Variants in TMEM196 observed in about 807,000 individuals in gnomAD.
TMEM196 encodes the protein transmembrane protein 196.
In TMEM196, 17 loss-of-function variants were observed where a neutral mutation model predicts 20.0. The observed-to-expected ratio is 0.85, with a 90% CI of 0.58 to 1.27. The LOEUF (loss-of-function observed/expected upper bound fraction) is 1.27, where lower values mean the gene tolerates loss of function less well. Among genes scored for constraint, TMEM196 ranks in the 50% most tolerant of loss-of-function variants. The pLI, the probability that TMEM196 is intolerant of heterozygous loss-of-function variation, is 0.00. For synonymous variants in TMEM196, 113 were observed against 88.9 expected (o/e 1.27, Z -1.52); for missense variants, 267 against 223.0 (o/e 1.20, Z -1.26).
chr7:19,735,893 GATA>G (rs761084063), intron 1 of TMEM196, among the ~76,000 whole-genome samples: 1 of 152,094 alleles, frequency 6.6e-6, no homozygotes, highest in Non-Finnish European at 1.5e-5. Flanking sequence ...TTACCCACAA[GATA>G]ATGAGCTGAA....
chr7:19,742,791 T>A (rs1227308956), intron 1 of TMEM196, among the ~76,000 whole-genome samples: 2 of 152,146 alleles, frequency 1.3e-5, no homozygotes, highest in African/African-American at 4.8e-5. Flanking sequence ...ATGGGGATAC[T>A]TTTTAGAAAT....
Position 19,729,393 on chromosome 7 carries a change from A to AT in TMEM196, c.192dup (p.Ser65IlefsTer68), listed in dbSNP as rs759398828. On this transcript the variant is annotated frameshift_variant, in exon 2 of 5. Coordinates refer to ENST00000405844, the MANE Select transcript of TMEM196 (RefSeq NM_001363562.2). LOFTEE classifies it high-confidence loss of function. Reference sequence around the variant, plus strand: ...AATCAAACACTTACGACAAGTCCTGATTTTTTTTTGGCACACAATATTCCA... The same window carrying AT: ...AATCAAACACTTACGACAAGTCCTGATTTTTTTTTTGGCACACAATATTCCA... 63 of 1,532,092 alleles carry AT rather than the reference A, an allele frequency of 4.1e-5. No individual in the cohort carries two copies. Among genetic ancestry groups the AT allele is most frequent in the East Asian group, 1.0e-4 (4 of 40,132 alleles). 94.9% of individuals were successfully genotyped at this position (1,532,092 alleles called of 1,614,324 possible). A position where few individuals can be genotyped will look rare whatever the true frequency, so the allele number is the denominator to read the frequency against.
chr7:19,730,586 T>C (rs576624645), intron 1 of TMEM196, among the ~76,000 whole-genome samples: 3 of 152,350 alleles, frequency 2.0e-5, no homozygotes, highest in African/African-American at 7.2e-5. Context: ...TTCACTGTTG[T>C]CGTTGTTGTT....
At chr7:19,753,648 T>C (rs1018905915) in intron 1 of TMEM196, among the ~76,000 whole-genome samples, 3 of 152,204 alleles carry the variant, frequency 2.0e-5, no homozygotes, top group African/African-American at 7.2e-5. Flanking sequence ...TAGGTGATTA[T>C]TCTTAAAATA....
rs1783782400 is a variant in TMEM196, at chr7:19,720,578, TTGTC to T, written c.*1546_*1549del. ...ATGTATTTAAAAATGATAGATTTCT[TTGTC>T]TGTTGCCAGAGGTTATATTCTGATA... On this transcript the variant is annotated 3_prime_UTR_variant, in exon 5 of 5. Coordinates refer to ENST00000405844, the MANE Select transcript of TMEM196 (RefSeq NM_001363562.2). 2 of 151,988 alleles carry T rather than the reference TTGTC, an allele frequency of 1.3e-5. No individual in the cohort carries two copies. Among genetic ancestry groups the T allele is most frequent in the South Asian group, 4.1e-4 (2 of 4,834 alleles). The allele number at this position is 151,988 out of a possible 1,614,324, so 9.4% of individuals were successfully genotyped here.
intron 1 of TMEM196, among the ~76,000 whole-genome samples, chr7:19,753,806 T>C (rs2128032536): frequency 6.6e-6 from 1 of 152,362 alleles, no homozygotes; most frequent in South Asian, 2.1e-4. Context: ...CTGTTCATTC[T>C]GTGCTTAGAA....
In TMEM196 at chr7:19,719,628, C is replaced by T. The variant is rs563452925; in HGVS notation, c.*2500G>A. 12 of 152,178 alleles carry T rather than the reference C, an allele frequency of 7.9e-5. No homozygotes were observed. The highest frequency in any genetic ancestry group is 3.9e-4 in the East Asian group (2 of 5,184). 9.4% of individuals were successfully genotyped at this position (152,178 alleles called of 1,614,324 possible). On this transcript the variant is annotated 3_prime_UTR_variant, in exon 5 of 5. Transcript: ENST00000405844. ...AAAACTATAAGGTAGTCACTTAAAA[C>T]ATTCCAGCATGTGGTTCAATGTATT...
At chr7:19,725,269 T>C (rs1783953081) in intron 3 of TMEM196, among the ~76,000 whole-genome samples, 1 of 152,224 alleles carries the variant, frequency 6.6e-6, no homozygotes, top group South Asian at 2.1e-4. Context: ...GTATTCAATA[T>C]TTTATGAAAT....
chr7:19,772,740 C>T lies in TMEM196; in HGVS notation c.-44G>A, dbSNP rs941105639. The T allele has an allele frequency of 7.0e-7, 1 of 1,431,750 alleles. No homozygotes were observed. The highest frequency in any genetic ancestry group is 1.5e-5 in the African/African-American group (1 of 68,960). The allele number at this position is 1,431,750 out of a possible 1,614,324, so 88.7% of individuals were successfully genotyped here. A position where few individuals can be genotyped will look rare whatever the true frequency, so the allele number is the denominator to read the frequency against. ...CTTCCAGATCAGAGAGGGAAATCAA[C>T]CATCTACCTTTTTTTCTTCCACTAT... is the stretch of plus-strand genomic sequence containing the variant. On this transcript the variant is annotated 5_prime_UTR_variant, in exon 1 of 5. Coordinates refer to ENST00000405844, the MANE Select transcript of TMEM196 (RefSeq NM_001363562.2).
In TMEM196 at chr7:19,772,424, T is replaced by C. The variant is rs1785920900; in HGVS notation, c.147+126A>G. The C allele has an allele frequency of 5.5e-6, 6 of 1,095,220 alleles. No homozygotes were observed. In the South Asian group the frequency reaches 8.9e-5, roughly 16 times the overall value. 67.8% of individuals were successfully genotyped at this position (1,095,220 alleles called of 1,614,324 possible). On this transcript the variant is annotated intron_variant, in intron 1 of 4. Coordinates refer to ENST00000405844, the MANE Select transcript of TMEM196 (RefSeq NM_001363562.2). Reference sequence around the variant, plus strand: ...CATAGCTTGTCAGCATGAACCTACATGCAAGCCAGAGATCTATGATTTTGT... The same window carrying C: ...CATAGCTTGTCAGCATGAACCTACACGCAAGCCAGAGATCTATGATTTTGT...
chr7:19,727,661 G>A (rs996754349), intron 2 of TMEM196, among the ~76,000 whole-genome samples: 16 of 152,054 alleles, frequency 1.1e-4, no homozygotes, highest in South Asian at 4.2e-4. Flanking sequence ...CTGAAAATAC[G>A]GAAAGATATT....
chr7:19,730,216 A>G (rs1023355403), intron 1 of TMEM196, among the ~76,000 whole-genome samples: 1 of 151,698 alleles, frequency 6.6e-6, no homozygotes, highest in Non-Finnish European at 1.5e-5. Flanking sequence ...AGATCGCGCC[A>G]CTGCATTCCA....
Position 19,727,422 on chromosome 7 carries a change from C to G in TMEM196, c.205-1654G>C, listed in dbSNP as rs149888751. Among the ~76,000 whole-genome samples, 263 of 152,220 alleles carry G rather than the reference C, an allele frequency of 1.7e-3. 2 individuals are homozygous for G. Among genetic ancestry groups the G allele is most frequent in the African/African-American group, 6.2e-3 (256 of 41,556 alleles). On this transcript the variant is annotated intron_variant, in intron 2 of 4. Coordinates refer to ENST00000405844, the MANE Select transcript of TMEM196 (RefSeq NM_001363562.2). ...CAACTTAATTCAGCATTCCTTATTG[C>G]ATCTGTAAATATCATCAGAGCTAAA...
chr7:19,735,394 T>C (rs1784360891), intron 1 of TMEM196, among the ~76,000 whole-genome samples: 1 of 152,206 alleles, frequency 6.6e-6, no homozygotes, highest in South Asian at 2.1e-4. Flanking sequence ...TCTGTTAGAA[T>C]TTCTCTAAAA....
At chr7:19,749,169 G>T (rs1784869194) in intron 1 of TMEM196, among the ~76,000 whole-genome samples, 1 of 152,094 alleles carries the variant, frequency 6.6e-6, no homozygotes, top group Admixed American at 6.5e-5. Context: ...TTAGGCCATT[G>T]GTCTATGGCT....
rs1486551639 is a variant in TMEM196, at chr7:19,719,486, T to C, written c.*2642A>G. ...TCCAAAGCGAGCCCAATTTTATTCT[T>C]TTATGCTTATAATACTCTACCTATT... is the stretch of plus-strand genomic sequence containing the variant. On this transcript the variant is annotated 3_prime_UTR_variant, in exon 5 of 5. Transcript: ENST00000405844. 1 of 150,674 alleles carries C rather than the reference T, an allele frequency of 6.6e-6. No individual in the cohort carries two copies. Among genetic ancestry groups the C allele is most frequent in the East Asian group, 1.9e-4 (1 of 5,202 alleles). The allele number at this position is 150,674 out of a possible 1,614,324, so 9.3% of individuals were successfully genotyped here.
At chr7:19,733,127 T>C (rs1391097592) in intron 1 of TMEM196, among the ~76,000 whole-genome samples, 8 of 152,186 alleles carry the variant, frequency 5.3e-5, no homozygotes, top group African/African-American at 1.9e-4. Flanking sequence ...AAAATAAAAT[T>C]AGTTCATCCT....
intron 1 of TMEM196, among the ~76,000 whole-genome samples, chr7:19,734,092 A>T (rs547933988): frequency 9.2e-5 from 14 of 152,228 alleles, no homozygotes; most frequent in African/African-American, 3.1e-4. Context: ...AATTTCCAGC[A>T]CATAAGCACA....
intron 1 of TMEM196, among the ~76,000 whole-genome samples, chr7:19,762,753 G>T (rs958560714): frequency 4.1e-4 from 63 of 152,268 alleles, no homozygotes; most frequent in African/African-American, 1.5e-3. Flanking sequence ...CCCTTGAGTT[G>T]TGCCAGCTTT....
Sources: allele counts gnomAD v4.1 joint callset (sites outside exome capture counted in the v4.1 genomes callset), GRCh38; gene constraint gnomAD v4.1.1; transcripts MANE v1.5; gene names NCBI Gene and HGNC (gene_info 2026-07-23, HGNC 2026-07-21).